Variants in FMNL2 observed in about 807,000 individuals in gnomAD.
FMNL2 encodes formin like 2.
A neutral mutation model predicts 130.2 loss-of-function variants in FMNL2; 51 were observed. The ratio of observed to expected loss-of-function variants is 0.39; its 90% confidence interval spans 0.31 to 0.49. The LOEUF (loss-of-function observed/expected upper bound fraction) is 0.49. Among genes scored for constraint, FMNL2 ranks in the 20% least tolerant of loss-of-function variants. The probability of loss-of-function intolerance (pLI) is 0.85; values close to 1 mark genes in which losing one functional copy is unlikely to be tolerated. For synonymous variants in FMNL2, 465 were observed against 467.1 expected, an observed-to-expected ratio of 1.00 and a Z score of 0.06; for missense variants, 977 against 1,316.2, an observed-to-expected ratio of 0.74 and a Z score of 3.99.
intron 2 of FMNL2, among the ~76,000 whole-genome samples, chr2:152,533,020 A>T (rs1693793481): frequency 6.6e-6 from 1 of 152,214 alleles, no homozygotes; most frequent in Admixed American, 6.5e-5. Flanking sequence ...ATATTTCATT[A>T]GTTTTTGTCT....
chr2:152,622,216 T>C (rs1405671056), intron 15 of FMNL2, among the ~76,000 whole-genome samples: 1 of 152,194 alleles, frequency 6.6e-6, no homozygotes, highest in Admixed American at 6.5e-5. Flanking sequence ...AATGCGAATT[T>C]GGACTTTGGT....
chr2:152,491,305 G>T (rs549117731), intron 1 of FMNL2, among the ~76,000 whole-genome samples: 1 of 152,168 alleles, frequency 6.6e-6, no homozygotes, highest in Non-Finnish European at 1.5e-5. Context: ...AGTTTTCAGG[G>T]TCAGGGGGCC....
chr2:152,441,090 T>G lies in FMNL2; in HGVS notation c.118-80853T>G, dbSNP rs188891526. On this transcript the variant is annotated intron_variant, in intron 1 of 25. Transcript: ENST00000288670. Reference sequence around the variant, plus strand: ...TAATATGTGCAGAGCACTAAATGGGTTTATAGGTAATGAAATTTTAGACTT... The same window carrying G: ...TAATATGTGCAGAGCACTAAATGGGGTTATAGGTAATGAAATTTTAGACTT... Among the ~76,000 whole-genome samples the G allele has an allele frequency of 2.1e-3, 325 of 152,286 alleles. 2 individuals carry two copies. The highest frequency in any genetic ancestry group is 0.019 in the Admixed American group (296 of 15,300).
intron 9 of FMNL2, among the ~76,000 whole-genome samples, chr2:152,599,234 A>G (rs1326409260): frequency 6.6e-6 from 1 of 152,168 alleles, no homozygotes; most frequent in Non-Finnish European, 1.5e-5. Context: ...AAAGTTAACC[A>G]TTACAAGTAG....
intron 15 of FMNL2, among the ~76,000 whole-genome samples, chr2:152,624,008 T>G (rs930400252): frequency 1.4e-5 from 2 of 140,764 alleles, no homozygotes; most frequent in African/African-American, 2.7e-5. Context: ...ACTGTGGCTA[T>G]TTCTGAGTCT....
At chr2:152,456,766 A>G (rs890847711) in intron 1 of FMNL2, among the ~76,000 whole-genome samples, 1 of 151,450 alleles carries the variant, frequency 6.6e-6, no homozygotes, top group Non-Finnish European at 1.5e-5. Flanking sequence ...ACATGGTGAA[A>G]CCCTGTCTCT....
intron 9 of FMNL2, among the ~76,000 whole-genome samples, chr2:152,583,386 A>G (rs907694096): frequency 6.6e-6 from 1 of 152,228 alleles, no homozygotes; most frequent in Admixed American, 6.5e-5. Flanking sequence ...GAATTCAAGT[A>G]TGAGTTAGAA....
chr2:152,341,630 A>G (rs1681811786), intron 1 of FMNL2, among the ~76,000 whole-genome samples: 1 of 152,214 alleles, frequency 6.6e-6, no homozygotes, highest in South Asian at 2.1e-4. Context: ...AAAATTTGGC[A>G]CAATTGTTAA....
intron 6 of FMNL2, among the ~76,000 whole-genome samples, chr2:152,564,798 T>TTTTTTTA (rs1553477782): frequency 2.0e-5 from 3 of 146,400 alleles, no homozygotes; most frequent in Non-Finnish European, 3.0e-5. Flanking sequence ...TTTTTTTTTT[T>TTTTTTTA]AACCAAATTC....
rs1484597324 is a variant in FMNL2 at position 152,376,247 on chromosome 2, G to A, written c.117+40527G>A. On this transcript the variant is annotated intron_variant, in intron 1 of 25. Coordinates refer to ENST00000288670, the MANE Select transcript of FMNL2 (RefSeq NM_052905.4). ...TGGAATATACAGCATTTTATTTTTCGATTCATCAGTTGGTGGACGTTTAAA... is the reference window on the plus strand; with the variant it reads ...TGGAATATACAGCATTTTATTTTTCAATTCATCAGTTGGTGGACGTTTAAA... Among the ~76,000 whole-genome samples the A allele has an allele frequency of 5.3e-5, 8 of 152,056 alleles. No homozygotes were observed. The South Asian group carries it at 1.7e-3, about 32-fold the overall frequency.
chr2:152,567,435 T>C (rs925305540), intron 6 of FMNL2, among the ~76,000 whole-genome samples: 2 of 152,238 alleles, frequency 1.3e-5, no homozygotes, highest in African/African-American at 4.8e-5. Flanking sequence ...TACTTTTTTC[T>C]TTCTTTCCCT....
intron 1 of FMNL2, among the ~76,000 whole-genome samples, chr2:152,440,569 G>A (rs1158764932): frequency 6.6e-6 from 1 of 152,160 alleles, no homozygotes; most frequent in Non-Finnish European, 1.5e-5. Flanking sequence ...GTCTTCACCG[G>A]ATTCAATTTC....
chr2:152,580,131 G>A (rs1696702278), intron 8 of FMNL2, among the ~76,000 whole-genome samples: 1 of 152,088 alleles, frequency 6.6e-6, no homozygotes, highest in South Asian at 2.1e-4. Flanking sequence ...TCTACTACAG[G>A]GAAGACATTA....
Position 152,494,615 on chromosome 2 carries a change from G to A in FMNL2, c.118-27328G>A, listed in dbSNP as rs151173114. Among the ~76,000 whole-genome samples the A allele has an allele frequency of 1.1e-3, 161 of 152,294 alleles. 1 individual carries two copies. The highest frequency in any genetic ancestry group is 3.2e-3 in the African/African-American group (131 of 41,562). On this transcript the variant is annotated intron_variant, in intron 1 of 25. Coordinates refer to ENST00000288670, the MANE Select transcript of FMNL2 (RefSeq NM_052905.4). ...ATATTCATTTGATTTGAGAATTGTC[G>A]TTTTGGTTTAATTAACAGTTGTTTG... is the stretch of plus-strand genomic sequence containing the variant.
At chr2:152,568,421 G>A (rs1161950585) in intron 6 of FMNL2, among the ~76,000 whole-genome samples, 1 of 151,944 alleles carries the variant, frequency 6.6e-6, no homozygotes, top group Non-Finnish European at 1.5e-5. Flanking sequence ...TACCATATTG[G>A]CCAGGGTGGT....
At chr2:152,339,598 T>G (rs7584000) in intron 1 of FMNL2, among the ~76,000 whole-genome samples, 73,690 of 152,054 alleles carry the variant, frequency 0.48, 19,861 homozygotes, top group Non-Finnish European at 0.62. Context: ...TGCTGTATCT[T>G]GTGCAATATC....
intron 9 of FMNL2, among the ~76,000 whole-genome samples, chr2:152,582,467 C>A (rs886068899): frequency 1.3e-5 from 2 of 152,182 alleles, no homozygotes; most frequent in Non-Finnish European, 2.9e-5. Context: ...TTTGTAAATG[C>A]CAACTGTGGA....
intron 9 of FMNL2, among the ~76,000 whole-genome samples, chr2:152,605,081 C>T (rs1698290773): frequency 6.6e-6 from 1 of 151,994 alleles, no homozygotes; most frequent in Non-Finnish European, 1.5e-5. Context: ...TTCAACAAAC[C>T]TTTCATTTCC....
At chr2:152,578,660 T>A in intron 7 of FMNL2, 3 of 269,350 alleles carry the variant, frequency 1.1e-5, no homozygotes, top group East Asian at 7.4e-5. Context: ...CGCCTCAGCC[T>A]CCTGAGTAGC....
Sources: gnomAD v4.1 joint callset for allele counts (sites outside exome capture counted in the v4.1 genomes callset) on GRCh38, gnomAD v4.1.1 for gene constraint, MANE v1.5 for transcripts, NCBI Gene and HGNC (gene_info 2026-07-23, HGNC 2026-07-21) for gene names.